LEPR: variants seen among roughly 807,000 people sequenced by gnomAD.
LEPR encodes the protein leptin receptor, also known as OB receptor.
Under a neutral mutation model 114.7 loss-of-function variants are expected in LEPR, and 56 were observed. The ratio of observed to expected loss-of-function variants is 0.49; its 90% CI spans 0.39 to 0.61. The LOEUF (loss-of-function observed/expected upper bound fraction) is 0.61, where lower values mean the gene tolerates loss of function less well. Ranked by LOEUF, LEPR falls within the 20% of genes least tolerant of loss-of-function variation. The pLI, the probability that LEPR is intolerant of heterozygous loss-of-function variation, is 0.00. For synonymous variants in LEPR, 443 were observed against 461.4 expected, an observed-to-expected ratio of 0.96 and a Z score of 0.51; for missense variants, 1,202 against 1,352.9, an observed-to-expected ratio of 0.89 and a Z score of 1.75.
chr1:65,566,810 G>A (rs984652174), intron 3 of LEPR, among the ~76,000 whole-genome samples: 2 of 152,052 alleles, frequency 1.3e-5, no homozygotes, highest in Admixed American at 6.5e-5. Context: ...CTTCCTTGTG[G>A]TACATACTTC....
At chr1:65,632,860 C>G (rs1190699192) in intron 19 of LEPR, among the ~76,000 whole-genome samples, 5 of 151,868 alleles carry the variant, frequency 3.3e-5, no homozygotes, top group Non-Finnish European at 7.4e-5. Context: ...TTTTCCAGCT[C>G]GTTGTTCTTC....
Position 65,638,157 on chromosome 1 carries a change from C to T in LEPR, c.*1142C>T, listed in dbSNP as rs921813808. The T allele has an allele frequency of 1.3e-5, 2 of 151,912 alleles. No homozygotes were observed. The highest frequency in any genetic ancestry group is 2.9e-5 in the Non-Finnish European group (2 of 67,988). 9.4% of individuals were successfully genotyped at this position (151,912 alleles called of 1,614,324 possible). On this transcript the variant is annotated 3_prime_UTR_variant, in exon 20 of 20. Transcript: ENST00000349533. Reference sequence around the variant, plus strand: ...TGAGCTCAGAAGTCTTGAAACTAGCCGGGGCAACATAGTGAGGCCTCGTCT... The same window carrying T: ...TGAGCTCAGAAGTCTTGAAACTAGCTGGGGCAACATAGTGAGGCCTCGTCT...
At position 65,432,083 on chromosome 1, in the gene LEPR, T is replaced by A. The variant is rs559399801; in HGVS notation, c.-21+6705T>A. On this transcript the variant is annotated intron_variant, in intron 2 of 19. Coordinates refer to ENST00000349533, the MANE Select transcript of LEPR (RefSeq NM_002303.6). ...GACTTCATAAGTAGGAGATGAGTTT[T>A]ATTCTCAGCAAATAGACCTGTCAAA... 112 of 1,338,850 alleles carry A rather than the reference T, an allele frequency of 8.4e-5. 1 individual carries two copies. Among genetic ancestry groups the A allele is most frequent in the Middle Eastern group, 2.8e-4 (1 of 3,552 alleles). 82.9% of individuals were successfully genotyped at this position (1,338,850 alleles called of 1,614,324 possible). A position where few individuals can be genotyped will look rare whatever the true frequency, so the allele number is the denominator to read the frequency against.
rs1654091044 is a variant in LEPR at position 65,570,674 on chromosome 1, A to G, written c.242A>G (p.Asn81Ser). The G allele has an allele frequency of 6.2e-7, 1 of 1,613,948 alleles. No homozygotes were observed. Among genetic ancestry groups the G allele is most frequent in the African/African-American group, 1.3e-5 (1 of 75,056 alleles). ...KFNSSGTHFS[N>S]LSKTTFHCCF... ...AATTCAAGTGGTACTCACTTTTCTA[A>G]CTTATCCAAAACAACTTTCCACTGT... Residue 81 changes from asparagine to serine, a missense_variant, in exon 4 of 20, where the codon AAC becomes AGC. Transcript: ENST00000349533.
intron 2 of LEPR, among the ~76,000 whole-genome samples, chr1:65,441,919 A>G (rs1020410950): frequency 6.6e-6 from 1 of 152,190 alleles, no homozygotes; most frequent in Non-Finnish European, 1.5e-5. Context: ...AAAGCCTGTG[A>G]TACATACTGT....
At chr1:65,507,045 C>T (rs924929064) in intron 2 of LEPR, among the ~76,000 whole-genome samples, 2 of 152,078 alleles carry the variant, frequency 1.3e-5, no homozygotes, top group African/African-American at 4.8e-5. Flanking sequence ...TGTCTAGCCA[C>T]GCCTGGCTTA....
At chr1:65,520,686 A>G (rs1649588979) in intron 2 of LEPR, among the ~76,000 whole-genome samples, 1 of 152,144 alleles carries the variant, frequency 6.6e-6, no homozygotes, top group Non-Finnish European at 1.5e-5. Context: ...CTCAGCCTTC[A>G]GAGCTGAGAA....
chr1:65,502,270 G>C (rs897473882), intron 2 of LEPR, among the ~76,000 whole-genome samples: 1 of 152,034 alleles, frequency 6.6e-6, no homozygotes, highest in East Asian at 1.9e-4. Context: ...AGAGACTCCA[G>C]GTATGTGTGC....
intron 2 of LEPR, among the ~76,000 whole-genome samples, chr1:65,494,977 A>G (rs535004685): frequency 1.6e-4 from 24 of 152,262 alleles, no homozygotes; most frequent in African/African-American, 5.8e-4. Context: ...CATAAGGGAA[A>G]TGCTTTAGGA....
chr1:65,503,317 T>A (rs115022830), intron 2 of LEPR, among the ~76,000 whole-genome samples: 12 of 152,152 alleles, frequency 7.9e-5, no homozygotes, highest in Non-Finnish European at 1.5e-4. Flanking sequence ...GTAAAAAAAA[T>A]TATTTCTGAG....
At chr1:65,501,156 T>G (rs1327115) in intron 2 of LEPR, among the ~76,000 whole-genome samples, 86,421 of 151,602 alleles carry the variant, frequency 0.57, 25,383 homozygotes, top group Middle Eastern at 0.7. Context: ...CTCAGTGAAT[T>G]TATTCATTTC....
intron 2 of LEPR, chr1:65,493,745 G>A (rs1648000673): frequency 6.6e-6 from 1 of 152,066 alleles, no homozygotes; most frequent in Non-Finnish European, 1.5e-5. Context: ...TGAGGACAAG[G>A]CTGTGTTACT....
chr1:65,592,770 C>G lies in LEPR; in HGVS notation c.608C>G (p.Ala203Gly). The G allele has an allele frequency of 2.5e-6, 4 of 1,613,316 alleles. No homozygotes were observed. The highest frequency in any genetic ancestry group is 2.5e-6 in the Non-Finnish European group (3 of 1,179,482). Residue 203 changes from alanine to glycine, a missense_variant, in exon 6 of 20, where the codon GCC becomes GGC. Coordinates refer to ENST00000349533, the MANE Select transcript of LEPR (RefSeq NM_002303.6). ...GAATGTCTTGTGCCTGTGCCAACAG[C>G]CAAACTCAACGACACTCTCCTTATG... Reference protein sequence around the residue: ...CCECLVPVPTAKLNDTLLMCL... With the variant: ...CCECLVPVPTGKLNDTLLMCL...
chr1:65,444,574 G>T (rs1646690071), intron 2 of LEPR, among the ~76,000 whole-genome samples: 1 of 138,416 alleles, frequency 7.2e-6, no homozygotes, highest in Non-Finnish European at 1.6e-5. Flanking sequence ...TTTCAGAAGG[G>T]TGGAGGCGGG....
intron 2 of LEPR, chr1:65,494,167 G>A (rs766495060): frequency 2.0e-5 from 3 of 152,084 alleles, no homozygotes; most frequent in African/African-American, 4.8e-5. Flanking sequence ...AACTAAGATG[G>A]CAATAAATAA....
rs76252277 is a variant in LEPR at position 65,630,038 on chromosome 1, G to A, written c.2674-6153G>A. Among the ~76,000 whole-genome samples, 541 of 152,090 alleles carry A rather than the reference G, an allele frequency of 3.6e-3. 9 individuals are homozygous for A. The highest frequency in any genetic ancestry group is 0.013 in the East Asian group (65 of 5,186). The stretch of plus-strand genomic sequence containing the variant: ...AACTGCCTTTTATTCTGCCCTCCTC[G>A]ATTGTTAGTTTGGTGGAGTATCAAT... On this transcript the variant is annotated intron_variant, in intron 19 of 19. Coordinates refer to ENST00000349533, the MANE Select transcript of LEPR (RefSeq NM_002303.6).
At position 65,619,978 on chromosome 1, in the gene LEPR, A is replaced by T; in HGVS notation, c.2446A>T (p.Met816Leu). Residue 816 changes from methionine to leucine, a missense_variant, in exon 17 of 20, where the codon ATG becomes TTG. Coordinates refer to ENST00000349533, the MANE Select transcript of LEPR (RefSeq NM_002303.6). ...CCAGTTCAGTCTTTACCCAATATTT[A>T]TGGAAGGAGTGGGAAAACCAAAGAT... ...KYQFSLYPIF[M>L]EGVGKPKIIN... is the part of the protein sequence containing the mutation. 1.9e-6 allele frequency: 3 copies of T among 1,612,340 alleles called. No homozygotes were observed. The highest frequency in any genetic ancestry group is 1.7e-6 in the Non-Finnish European group (2 of 1,178,756).
At chr1:65,610,328 G>C in intron 14 of LEPR, 32 bp downstream of exon 14, 1 of 1,540,848 alleles carries the variant, frequency 6.5e-7, no homozygotes. Flanking sequence ...ATCTTAAATT[G>C]TATTTTTATA....
At chr1:65,424,878 G>A (rs1646328464) in intron 1 of LEPR, among the ~76,000 whole-genome samples, 1 of 152,126 alleles carries the variant, frequency 6.6e-6, no homozygotes, top group South Asian at 2.1e-4. Context: ...ATCTCCCAAA[G>A]GTCCACCTCC....
Sources: gnomAD v4.1 joint callset for allele counts (sites outside exome capture counted in the v4.1 genomes callset) on GRCh38, gnomAD v4.1.1 for gene constraint, MANE v1.5 for transcripts, NCBI Gene and HGNC (gene_info 2026-07-23, HGNC 2026-07-21) for gene names.